Variants in OSBPL6 observed in about 807,000 individuals in gnomAD.
OSBPL6 encodes the protein oxysterol-binding protein-related protein 6.
In OSBPL6, 49 loss-of-function variants were observed where a neutral mutation model predicts 125.8. The observed-to-expected ratio is 0.39, with a 90% CI of 0.31 to 0.49. The LOEUF (loss-of-function observed/expected upper bound fraction) is 0.49, where lower values mean the gene tolerates loss of function less well. Ranked by LOEUF, OSBPL6 falls within the 20% of genes least tolerant of loss-of-function variation. OSBPL6 has a pLI of 0.88. For synonymous variants in OSBPL6, 394 were observed against 391.8 expected (o/e 1.01, Z -0.07); for missense variants, 986 against 1,135.4 (o/e 0.87, Z 1.89).
intron 5 of OSBPL6, 38 bp downstream of exon 5, chr2:178,328,416 A>C (rs1354172530): frequency 6.3e-7 from 1 of 1,595,678 alleles, no homozygotes; most frequent in African/African-American, 1.4e-5. Context: ...GACCATCTTC[A>C]TAAATAAAGA....
chr2:178,314,119 G>C (rs1222301379), intron 3 of OSBPL6, among the ~76,000 whole-genome samples: 1 of 152,196 alleles, frequency 6.6e-6, no homozygotes, highest in Non-Finnish European at 1.5e-5. Flanking sequence ...TCGCTCTGTT[G>C]AATGAAATAA....
At chr2:178,387,732 C>T (rs1411069364) in intron 20 of OSBPL6, among the ~76,000 whole-genome samples, 9 of 152,154 alleles carry the variant, frequency 5.9e-5, no homozygotes, top group Admixed American at 5.9e-4. Flanking sequence ...AGGCCAGGCA[C>T]GGTGGCTCAC....
intron 1 of OSBPL6, among the ~76,000 whole-genome samples, chr2:178,216,645 G>A (rs1396013976): frequency 6.6e-6 from 1 of 152,240 alleles, no homozygotes; most frequent in Non-Finnish European, 1.5e-5. Context: ...AAGTTTGGTG[G>A]ATGCTAAGAA....
At chr2:178,295,208 G>A (rs974099459) in intron 2 of OSBPL6, among the ~76,000 whole-genome samples, 2 of 152,124 alleles carry the variant, frequency 1.3e-5, no homozygotes, top group African/African-American at 4.8e-5. Flanking sequence ...CTGTGTAAAT[G>A]ATTTACCAAC....
chr2:178,400,979 C>T lies in OSBPL6; in HGVS notation c.*5420C>T, dbSNP rs756298087. 1 of 151,784 alleles carries T rather than the reference C, an allele frequency of 6.6e-6. No homozygotes were observed. Among genetic ancestry groups the T allele is most frequent in the Non-Finnish European group, 1.5e-5 (1 of 67,958 alleles). 9.4% of individuals were successfully genotyped at this position (151,784 alleles called of 1,614,324 possible). A position where few individuals can be genotyped will look rare whatever the true frequency, so the allele number is the denominator to read the frequency against. On this transcript the variant is annotated 3_prime_UTR_variant, in exon 25 of 25. Coordinates refer to ENST00000190611, the MANE Select transcript of OSBPL6 (RefSeq NM_032523.4). ...CCCGGTACAAATTTTAGATTTTCCC[C>T]CAAAAATGAAAAAAAATTATTTAAA...
intron 1 of OSBPL6, among the ~76,000 whole-genome samples, chr2:178,200,925 A>G (rs1255021807): frequency 6.6e-6 from 1 of 151,778 alleles, no homozygotes; most frequent in East Asian, 1.9e-4. Flanking sequence ...CCTCCCGAGT[A>G]GCTGGATTAC....
At chr2:178,277,956 C>T (rs2092502926) in intron 1 of OSBPL6, among the ~76,000 whole-genome samples, 1 of 152,218 alleles carries the variant, frequency 6.6e-6, no homozygotes, top group East Asian at 1.9e-4. Flanking sequence ...AATTCAATCT[C>T]TCACCAGCAT....
intron 1 of OSBPL6, among the ~76,000 whole-genome samples, chr2:178,248,395 A>G (rs1297137755): frequency 6.6e-6 from 1 of 152,218 alleles, no homozygotes; most frequent in Non-Finnish European, 1.5e-5. Context: ...AAAAGTTTGT[A>G]TGGCTTTATC....
intron 1 of OSBPL6, among the ~76,000 whole-genome samples, chr2:178,199,037 A>G (rs956318520): frequency 1.7e-4 from 26 of 152,184 alleles, no homozygotes; most frequent in Non-Finnish European, 1.8e-4. Flanking sequence ...TGCATTTGTT[A>G]TATTCTGAGA....
chr2:178,382,768 A>G, intron 16 of OSBPL6: 1 of 1,427,384 alleles, frequency 7.0e-7, no homozygotes, highest in Non-Finnish European at 9.2e-7. Context: ...AAATGTATTT[A>G]ATTTTTTAAA....
intron 1 of OSBPL6, among the ~76,000 whole-genome samples, chr2:178,262,583 T>C (rs1252240203): frequency 6.6e-6 from 1 of 152,200 alleles, no homozygotes; most frequent in Non-Finnish European, 1.5e-5. Context: ...AAAATATTAA[T>C]ATTTTGAAAT....
intron 1 of OSBPL6, among the ~76,000 whole-genome samples, chr2:178,271,989 G>T (rs1409647542): frequency 6.6e-6 from 1 of 152,208 alleles, no homozygotes; most frequent in Non-Finnish European, 1.5e-5. Context: ...CAGGATTTGA[G>T]GCTTAGGGAA....
chr2:178,360,618 A>G (rs887969312), intron 12 of OSBPL6, among the ~76,000 whole-genome samples: 1 of 152,208 alleles, frequency 6.6e-6, no homozygotes, highest in African/African-American at 2.4e-5. Flanking sequence ...TTCAACAGAC[A>G]CACAAATTCT....
At chr2:178,255,968 C>A (rs1362358477) in intron 1 of OSBPL6, among the ~76,000 whole-genome samples, 1 of 152,196 alleles carries the variant, frequency 6.6e-6, no homozygotes, top group Non-Finnish European at 1.5e-5. Flanking sequence ...ACCTTGATAA[C>A]TGATTTCTGT....
chr2:178,253,096 A>C (rs959732171), intron 1 of OSBPL6, among the ~76,000 whole-genome samples: 3 of 151,542 alleles, frequency 2.0e-5, no homozygotes, highest in Non-Finnish European at 2.9e-5. Flanking sequence ...ATCTCGGCTC[A>C]CTGCAACCTC....
In OSBPL6 at chr2:178,339,154, G is replaced by T. The variant is rs1574911641; in HGVS notation, c.894+60G>T. On this transcript the variant is annotated intron_variant, in intron 10 of 24. Coordinates refer to ENST00000190611, the MANE Select transcript of OSBPL6 (RefSeq NM_032523.4). ...GGGTATTAATTAATACTCTTTATTG[G>T]GTTGTTCTATGAATATATAAGGTAA... 7 of 1,051,802 alleles carry T rather than the reference G, an allele frequency of 6.7e-6. No homozygotes were observed. The South Asian group carries it at 9.2e-5, about 14-fold the overall frequency. The allele number at this position is 1,051,802 out of a possible 1,614,324, so 65.2% of individuals were successfully genotyped here.
At chr2:178,272,196 A>C (rs1213681616) in intron 1 of OSBPL6, among the ~76,000 whole-genome samples, 1 of 152,194 alleles carries the variant, frequency 6.6e-6, no homozygotes, top group Non-Finnish European at 1.5e-5. Context: ...GGCGATCCAA[A>C]AAGCATTTCA....
intron 1 of OSBPL6, among the ~76,000 whole-genome samples, chr2:178,238,727 A>G (rs1296172387): frequency 6.6e-6 from 1 of 152,210 alleles, no homozygotes; most frequent in Non-Finnish European, 1.5e-5. Context: ...AAGACAATGA[A>G]CAATGTTCCT....
chr2:178,225,190 C>CT (rs1308832183), intron 1 of OSBPL6, among the ~76,000 whole-genome samples: 1 of 151,208 alleles, frequency 6.6e-6, no homozygotes, highest in African/African-American at 2.4e-5. Flanking sequence ...GAAAGCCTCT[C>CT]TAGAGAGCAG....
Sources: allele counts gnomAD v4.1 joint callset (sites outside exome capture counted in the v4.1 genomes callset), GRCh38; gene constraint gnomAD v4.1.1; transcripts MANE v1.5; gene names NCBI Gene and HGNC (gene_info 2026-07-23, HGNC 2026-07-21).